The following DPH6 variants were observed in gnomAD, a reference collection of about 807,000 sequenced individuals.
The protein encoded by DPH6 is diphthamine biosynthesis 6.
Under a neutral mutation model 38.2 loss-of-function variants are expected in DPH6, and 33 were observed. The observed-to-expected ratio is 0.86, with a 90% CI of 0.65 to 1.15. The LOEUF (loss-of-function observed/expected upper bound fraction) is 1.15. Ranked by LOEUF, DPH6 falls within the 50% of genes most tolerant of loss-of-function variation. The probability of loss-of-function intolerance (pLI) is 0.00; values close to 1 mark genes in which losing one functional copy is unlikely to be tolerated. For missense variants in DPH6, 325 were observed against 320.0 expected, an observed-to-expected ratio of 1.02 and a Z score of -0.12; for synonymous variants, 108 against 103.0, an observed-to-expected ratio of 1.05 and a Z score of -0.30.
At chr15:35,534,632 A>T (rs1246295727) in intron 3 of DPH6, among the ~76,000 whole-genome samples, 1 of 152,094 alleles carries the variant, frequency 6.6e-6, no homozygotes, top group Non-Finnish European at 1.5e-5. Flanking sequence ...ACAAAAAGAC[A>T]CTGAGATAGA....
chr15:35,456,301 T>C (rs1037778849), intron 3 of DPH6, among the ~76,000 whole-genome samples: 15 of 152,066 alleles, frequency 9.9e-5, no homozygotes, highest in African/African-American at 3.1e-4. Context: ...ATTTTAGTTA[T>C]ATTCCTATAT....
chr15:35,266,531 C>G (rs1306188689), intron 3 of DPH6, among the ~76,000 whole-genome samples: 1 of 152,162 alleles, frequency 6.6e-6, no homozygotes, highest in Non-Finnish European at 1.5e-5. Flanking sequence ...TTTGCACTGT[C>G]AAGCAACTAA....
chr15:35,544,469 T>C (rs1362612269), intron 1 of DPH6, among the ~76,000 whole-genome samples: 1 of 151,844 alleles, frequency 6.6e-6, no homozygotes, highest in East Asian at 1.9e-4. Context: ...AACTGCACGT[T>C]CTGCACATGT....
the DPH6 span, chr15:35,169,821 G>A: frequency 2.8e-4 from 43 of 152,174 alleles, no homozygotes; most frequent in African/African-American, 9.9e-4. Context: ...CTCTAGAAAG[G>A]CTTTTGCTTT....
chr15:35,251,696 C>T (rs1351573592), intron 3 of DPH6, among the ~76,000 whole-genome samples: 1 of 152,202 alleles, frequency 6.6e-6, no homozygotes, highest in Non-Finnish European at 1.5e-5. Flanking sequence ...CTCTTATGTC[C>T]TGTTGTATTG....
At chr15:35,281,873 C>T (rs2051901809) in intron 3 of DPH6, among the ~76,000 whole-genome samples, 1 of 152,128 alleles carries the variant, frequency 6.6e-6, no homozygotes, top group South Asian at 2.1e-4. Flanking sequence ...AGACATCTTC[C>T]CCTGCAACAA....
intron 3 of DPH6, among the ~76,000 whole-genome samples, chr15:35,456,049 C>G (rs1278555981): frequency 6.6e-6 from 1 of 152,042 alleles, no homozygotes; most frequent in Non-Finnish European, 1.5e-5. Context: ...AAATACCTGC[C>G]CAAATCACCC....
At chr15:35,536,995 G>T (rs577331103) in intron 3 of DPH6, among the ~76,000 whole-genome samples, 1 of 151,968 alleles carries the variant, frequency 6.6e-6, no homozygotes, top group Non-Finnish European at 1.5e-5. Flanking sequence ...CTATAACTAA[G>T]CAGAAAATTT....
At chr15:35,401,788 C>G (rs1285318017) in intron 6 of DPH6, 1 of 627,222 alleles carries the variant, frequency 1.6e-6, no homozygotes, top group Non-Finnish European at 3.0e-6. Context: ...GGAAACAAAG[C>G]TTAACAGGAG....
chr15:35,160,244 TTCTC>T, the DPH6 span, among the ~76,000 whole-genome samples: 1 of 151,996 alleles, frequency 6.6e-6, no homozygotes, highest in Admixed American at 6.6e-5. Context: ...GTCCCATTTC[TTCTC>T]TCTACCTTGC....
chr15:35,441,093 A>G (rs532473336), intron 5 of DPH6, among the ~76,000 whole-genome samples: 1 of 152,242 alleles, frequency 6.6e-6, no homozygotes, highest in Non-Finnish European at 1.5e-5. Context: ...AGAAATGCAA[A>G]TCAAAACCAC....
chr15:35,501,910 C>T (rs2054632610), intron 3 of DPH6, among the ~76,000 whole-genome samples: 1 of 152,092 alleles, frequency 6.6e-6, no homozygotes, highest in Non-Finnish European at 1.5e-5. Context: ...AAGTTTAGCA[C>T]ATACCATTCC....
rs1198810392 is a variant in DPH6 at position 35,372,008 on chromosome 15, A to G, written c.*142T>C. On this transcript the variant is annotated 3_prime_UTR_variant, in exon 9 of 9. Coordinates refer to ENST00000256538, the MANE Select transcript of DPH6 (RefSeq NM_080650.4). ...TTCCCAATTAATAAATGGTTCCACT[A>G]ACCTCTTCTAGTGAAAGTATGTTTC... 5 of 1,382,572 alleles carry G rather than the reference A, an allele frequency of 3.6e-6. No homozygotes were observed. Among genetic ancestry groups the G allele is most frequent in the Non-Finnish European group, 4.7e-6 (5 of 1,068,838 alleles). The allele number at this position is 1,382,572 out of a possible 1,614,324, so 85.6% of individuals were successfully genotyped here. A position where few individuals can be genotyped will look rare whatever the true frequency, so the allele number is the denominator to read the frequency against.
chr15:35,295,044 C>T (rs1394868227), intron 3 of DPH6, among the ~76,000 whole-genome samples: 2 of 152,128 alleles, frequency 1.3e-5, no homozygotes, highest in African/African-American at 4.8e-5. Context: ...CCACCCTGCT[C>T]GCAGGGAGGC....
At chr15:35,145,511 C>T in the DPH6 span, among the ~76,000 whole-genome samples, 2 of 152,210 alleles carry the variant, frequency 1.3e-5, no homozygotes, top group African/African-American at 4.8e-5. Context: ...AGGGAGCTAG[C>T]TCCAGCTGCA....
intron 6 of DPH6, among the ~76,000 whole-genome samples, chr15:35,389,616 G>C (rs546725333): frequency 3.3e-5 from 5 of 152,064 alleles, no homozygotes; most frequent in Non-Finnish European, 7.4e-5. Flanking sequence ...TGTCTCTTTC[G>C]ATCTTTGTTG....
chr15:35,405,540 G>C (rs914480062), intron 6 of DPH6, among the ~76,000 whole-genome samples: 1 of 151,934 alleles, frequency 6.6e-6, no homozygotes, highest in Non-Finnish European at 1.5e-5. Flanking sequence ...ATTGATTTTT[G>C]TTTGTTGATT....
intron 6 of DPH6, among the ~76,000 whole-genome samples, chr15:35,394,499 C>G (rs2053101716): frequency 6.6e-6 from 1 of 152,188 alleles, no homozygotes; most frequent in Non-Finnish European, 1.5e-5. Context: ...GTGTACAGCA[C>G]TTAGTAAGCA....
chr15:35,380,558 G>T lies in DPH6; in HGVS notation c.662+1264C>A, dbSNP rs555893798. ...ACTTATTGCTGTGCTTTTTTTTTCTGATTTGGTTAGTCCTATATTAACAAG... is the reference window on the plus strand; with the variant it reads ...ACTTATTGCTGTGCTTTTTTTTTCTTATTTGGTTAGTCCTATATTAACAAG... On this transcript the variant is annotated intron_variant, in intron 7 of 8. Transcript: ENST00000256538. Among the ~76,000 whole-genome samples the T allele has an allele frequency of 3.3e-5, 5 of 151,584 alleles. No homozygotes were observed. The South Asian group carries it at 1.0e-3, about 32-fold the overall frequency.
Sources: allele counts gnomAD v4.1 joint callset (sites outside exome capture counted in the v4.1 genomes callset), GRCh38; gene constraint gnomAD v4.1.1; transcripts MANE v1.5; gene names NCBI Gene and HGNC (gene_info 2026-07-23, HGNC 2026-07-21).